Variants in FSHR observed in about 807,000 individuals in gnomAD.
FSHR encodes follicle-stimulating hormone receptor.
A neutral mutation model predicts 52.1 loss-of-function variants in FSHR; 46 were observed. The observed-to-expected ratio is 0.88, with a 90% CI of 0.70 to 1.13. The LOEUF (loss-of-function observed/expected upper bound fraction) is 1.13, where lower values mean the gene tolerates loss of function less well. FSHR is among the 50% of genes most tolerant of loss of function. FSHR has a pLI of 0.00. For synonymous variants in FSHR, 399 were observed against 309.6 expected (o/e 1.29, Z -3.03); for missense variants, 964 against 834.6 (o/e 1.16, Z -1.91).
intron 1 of FSHR, among the ~76,000 whole-genome samples, chr2:49,111,467 G>A (rs190985500): frequency 2.0e-5 from 3 of 152,260 alleles, no homozygotes; most frequent in East Asian, 1.9e-4. Flanking sequence ...CCAGCGGGCC[G>A]AGGAAAGTAT....
At chr2:49,151,159 T>C (rs1262134325) in intron 1 of FSHR, among the ~76,000 whole-genome samples, 1 of 149,674 alleles carries the variant, frequency 6.7e-6, no homozygotes, top group East Asian at 2.0e-4. Flanking sequence ...TTTTTTTTTT[T>C]CAGAATAAGA....
chr2:49,060,370 C>A lies in FSHR; in HGVS notation c.224+7849G>T, dbSNP rs185800333. Among the ~76,000 whole-genome samples the A allele has an allele frequency of 1.6e-3, 241 of 152,198 alleles. 1 individual carries two copies. Among genetic ancestry groups the A allele is most frequent in the Admixed American group, 3.5e-3 (53 of 15,280 alleles). On this transcript the variant is annotated intron_variant, in intron 2 of 9. Transcript: ENST00000406846. The stretch of plus-strand genomic sequence containing the variant: ...AAAAACAAAAACAAAAACTCAGTAT[C>A]CTGGGAAAACATTACCTTGACCACT...
chr2:48,985,982 G>A (rs1043595148), intron 6 of FSHR, among the ~76,000 whole-genome samples: 1 of 152,058 alleles, frequency 6.6e-6, no homozygotes, highest in East Asian at 1.9e-4. Context: ...CAAAGTGCTG[G>A]GATTACAGGC....
At chr2:49,149,264 A>G (rs548586090) in intron 1 of FSHR, among the ~76,000 whole-genome samples, 9 of 152,102 alleles carry the variant, frequency 5.9e-5, no homozygotes, top group African/African-American at 1.9e-4. Context: ...AGAACAGGTA[A>G]TACCTGGTTA....
At chr2:49,118,341 A>T (rs1176281527) in intron 1 of FSHR, among the ~76,000 whole-genome samples, 1 of 152,078 alleles carries the variant, frequency 6.6e-6, no homozygotes, top group African/African-American at 2.4e-5. Context: ...GGGAGAAAAG[A>T]TGCTTTCTCC....
intron 4 of FSHR, among the ~76,000 whole-genome samples, chr2:49,015,598 G>A (rs1164881431): frequency 6.6e-6 from 1 of 152,118 alleles, no homozygotes; most frequent in African/African-American, 2.4e-5. Context: ...TGATTCTGAG[G>A]TGCATGCTTT....
chr2:48,982,125 G>T (rs1459782993), intron 8 of FSHR, among the ~76,000 whole-genome samples: 1 of 152,078 alleles, frequency 6.6e-6, no homozygotes. Flanking sequence ...GATGCAGATT[G>T]TCCCCCCACC....
chr2:49,019,388 A>G (rs1381872605), intron 3 of FSHR, among the ~76,000 whole-genome samples: 4 of 152,186 alleles, frequency 2.6e-5, no homozygotes, highest in African/African-American at 4.8e-5. Context: ...TGGCTTTGAC[A>G]TTCTATGATT....
intron 1 of FSHR, among the ~76,000 whole-genome samples, chr2:49,146,024 T>C (rs1333584035): frequency 6.6e-6 from 1 of 151,908 alleles, no homozygotes; most frequent in African/African-American, 2.4e-5. Context: ...AAGAGTTAAT[T>C]TGAGGCCAAA....
chr2:49,129,438 T>C (rs1410073906), intron 1 of FSHR, among the ~76,000 whole-genome samples: 1 of 152,206 alleles, frequency 6.6e-6, no homozygotes, highest in Non-Finnish European at 1.5e-5. Flanking sequence ...ATCAGAATCA[T>C]TTGTGTATTT....
At chr2:49,152,958 C>T (rs1449498518) in intron 1 of FSHR, among the ~76,000 whole-genome samples, 2 of 152,234 alleles carry the variant, frequency 1.3e-5, no homozygotes, top group African/African-American at 4.8e-5. Context: ...TGTGCATGGG[C>T]ACATTCTTCA....
At chr2:49,081,195 C>A (rs375535557) in intron 1 of FSHR, among the ~76,000 whole-genome samples, 1 of 151,898 alleles carries the variant, frequency 6.6e-6, no homozygotes, top group Non-Finnish European at 1.5e-5. Context: ...TTGGCCTCAC[C>A]ATTAAACAGG....
intron 2 of FSHR, among the ~76,000 whole-genome samples, chr2:49,054,650 A>C (rs1228454715): frequency 7.2e-5 from 11 of 152,136 alleles, no homozygotes; most frequent in Non-Finnish European, 5.9e-5. Flanking sequence ...TGGCCAACGC[A>C]CTGTGTGCAC....
At chr2:49,034,410 G>A (rs2104264201) in intron 2 of FSHR, among the ~76,000 whole-genome samples, 1 of 152,284 alleles carries the variant, frequency 6.6e-6, no homozygotes, top group Admixed American at 6.5e-5. Flanking sequence ...AGTCACTGTG[G>A]CCCTGTGGAT....
rs1672894238 is a variant in FSHR, at chr2:49,146,975, A to C, written c.152+7291T>G. Among the ~76,000 whole-genome samples, 3 of 152,190 alleles carry C rather than the reference A, an allele frequency of 2.0e-5. 1 individual carries two copies. The South Asian group carries it at 6.2e-4, about 32-fold the overall frequency. On this transcript the variant is annotated intron_variant, in intron 1 of 9. Transcript: ENST00000406846. ...TGACTCTTGCTGAAAAAGGTCTGAG[A>C]GATGAGATGCAAAAAAGGGCTCATG...
Position 48,994,748 on chromosome 2 carries a change from C to CA in FSHR, c.375-4112dup, listed in dbSNP as rs796464836. On this transcript the variant is annotated intron_variant, in intron 4 of 9. Coordinates refer to ENST00000406846, the MANE Select transcript of FSHR (RefSeq NM_000145.4). ...GATTCACTCAACCATGGTTTATCTT[C>CA]AAAAAACAGTTAAAGGCCTGAGGGT... Among the ~76,000 whole-genome samples, 7 of 152,168 alleles carry CA rather than the reference C, an allele frequency of 4.6e-5. No individual in the cohort carries two copies. In the South Asian group the frequency reaches 1.5e-3, roughly 32 times the overall value.
intron 1 of FSHR, among the ~76,000 whole-genome samples, chr2:49,150,415 C>A (rs1673020530): frequency 6.6e-6 from 1 of 152,076 alleles, no homozygotes; most frequent in Admixed American, 6.6e-5. Flanking sequence ...CGAAAGCCCT[C>A]TGTGGTAGAT....
chr2:49,052,040 A>G (rs1035650863), intron 2 of FSHR, among the ~76,000 whole-genome samples: 1 of 152,194 alleles, frequency 6.6e-6, no homozygotes, highest in Non-Finnish European at 1.5e-5. Context: ...TACAGGTAGA[A>G]CAAAATCAAA....
chr2:48,966,098 T>C (rs1674466479), intron 9 of FSHR, among the ~76,000 whole-genome samples: 1 of 152,194 alleles, frequency 6.6e-6, no homozygotes, highest in Non-Finnish European at 1.5e-5. Flanking sequence ...CCTTAGTTTC[T>C]GTCTCTGTGA....
Sources: allele counts gnomAD v4.1 joint callset (sites outside exome capture counted in the v4.1 genomes callset), GRCh38; gene constraint gnomAD v4.1.1; transcripts MANE v1.5; gene names NCBI Gene and HGNC (gene_info 2026-07-23, HGNC 2026-07-21).